The following KATNA1 variants were observed in gnomAD, a reference collection of about 807,000 sequenced individuals.
The protein encoded by KATNA1 is katanin catalytic subunit A1.
KATNA1 carries 42 observed loss-of-function variants against 62.6 expected under a neutral mutation model. That is an observed-to-expected ratio of 0.67 (90% confidence interval 0.52 to 0.87). The LOEUF (loss-of-function observed/expected upper bound fraction) is 0.87, where lower values mean the gene tolerates loss of function less well. Among genes scored for constraint, KATNA1 ranks in the 40% least tolerant of loss-of-function variants. The pLI, the probability that KATNA1 is intolerant of heterozygous loss-of-function variation, is 0.00. For synonymous variants in KATNA1, 186 were observed against 201.9 expected (o/e 0.92, Z 0.67); for missense variants, 498 against 612.5 (o/e 0.81, Z 1.97).
At chr6:149,622,278 G>A (rs561364141) in intron 4 of KATNA1, among the ~76,000 whole-genome samples, 2 of 152,092 alleles carry the variant, frequency 1.3e-5, no homozygotes, top group South Asian at 2.1e-4. Context: ...GACTACAGGC[G>A]CCCGCCACCA....
intron 3 of KATNA1, among the ~76,000 whole-genome samples, chr6:149,624,430 T>A (rs1779526231): frequency 6.6e-6 from 1 of 152,060 alleles, no homozygotes; most frequent in Non-Finnish European, 1.5e-5. Context: ...TTATTATTAT[T>A]TTTTGAGACA....
Position 149,595,063 on chromosome 6 carries a change from T to G in KATNA1, c.1449A>C (p.Lys483Asn), listed in dbSNP as rs1326497547. The change falls in exon 11 of 11, where the codon AAA (lysine) becomes AAC (asparagine). Residue 483 changes from lysine to asparagine, a missense_variant. This residue lies in a region of KATNA1 where 267 missense variants were observed against 372.6 expected (regional missense o/e 0.72). Transcript: ENST00000367411. ...VSAADIERYE[K>N]WIFEFGSC ...AGCATGATCCAAACTCAAATATCCA[T>G]TTCTCGTATCTTTCAATGTCTGCAG... 3.1e-6 allele frequency: 5 copies of G among 1,613,868 alleles called. No individual in the cohort carries two copies.
intron 4 of KATNA1, among the ~76,000 whole-genome samples, chr6:149,610,426 A>C (rs1778907227): frequency 6.6e-6 from 1 of 152,210 alleles, no homozygotes; most frequent in Non-Finnish European, 1.5e-5. Flanking sequence ...TGTTCACAGA[A>C]CATATACCAA....
At chr6:149,623,051 A>G in intron 4 of KATNA1, 52 bp downstream of exon 4, 1 of 1,354,426 alleles carries the variant, frequency 7.4e-7, no homozygotes, top group African/African-American at 1.5e-5. Flanking sequence ...TACAGTCTTC[A>G]TTTTTACGGT....
At chr6:149,617,486 T>A (rs934458438) in intron 4 of KATNA1, among the ~76,000 whole-genome samples, 2 of 152,130 alleles carry the variant, frequency 1.3e-5, no homozygotes, top group African/African-American at 4.8e-5. Context: ...TAACAAGACA[T>A]ATATATGACA....
intron 3 of KATNA1, among the ~76,000 whole-genome samples, chr6:149,632,388 A>G (rs12175841): frequency 2.7e-5 from 4 of 148,842 alleles, no homozygotes; most frequent in African/African-American, 9.9e-5. Flanking sequence ...AAAAAAAAAG[A>G]AAAAAAAGAA....
At chr6:149,633,024 G>A in intron 2 of KATNA1, 108 bp from the exon 3 acceptor site, 2 of 721,528 alleles carry the variant, frequency 2.8e-6, no homozygotes, top group Non-Finnish European at 4.4e-6. Context: ...TTTGATATCA[G>A]ATATCCAGTA....
chr6:149,609,345 A>G (rs1778856749), intron 4 of KATNA1, among the ~76,000 whole-genome samples: 1 of 152,088 alleles, frequency 6.6e-6, no homozygotes, highest in African/African-American at 2.4e-5. Flanking sequence ...AGCAAGCCAG[A>G]GGAAGTAGCA....
intron 4 of KATNA1, among the ~76,000 whole-genome samples, chr6:149,609,411 G>C (rs1778859819): frequency 6.6e-6 from 1 of 152,118 alleles, no homozygotes; most frequent in South Asian, 2.1e-4. Flanking sequence ...ACTCAGGCCA[G>C]GTGTGGTGGC....
At chr6:149,605,275 CAAAG>C (rs1778694910) in intron 4 of KATNA1, among the ~76,000 whole-genome samples, 1 of 151,382 alleles carries the variant, frequency 6.6e-6, no homozygotes, top group African/African-American at 2.4e-5. Flanking sequence ...TCAAAAGTAT[CAAAG>C]AAAAATAAAA....
Position 149,623,242 on chromosome 6 carries a change from C to T in KATNA1, c.362G>A (p.Ser121Asn). 6.2e-7 allele frequency: 1 copy of T among 1,610,722 alleles called. No homozygotes were observed. Among genetic ancestry groups the T allele is most frequent in the Non-Finnish European group, 8.5e-7 (1 of 1,179,228 alleles). ...GPRKRQSSQY[S>N]DPKSHGNRPS... is the part of the protein sequence containing the mutation. ...ACGATTACCATGTGATTTAGGGTCA[C>T]TGTACTGAGAAGATTGGCGTTTTCT... Residue 121 changes from serine (S) to asparagine (N), a missense_variant, in exon 4 of 11, where the codon AGT becomes AAT. This residue lies in a region of KATNA1 where 203 missense variants were observed against 198.4 expected (regional missense o/e 1.02). Transcript: ENST00000367411.
Position 149,603,365 on chromosome 6 carries a change from A to G in KATNA1, c.632T>C (p.Ile211Thr). ...SQNPNVRWDD[I>T]ADLVEAKKLL... ...CTTTTTAGCTTCTACTAAATCAGCG[A>G]TATCATCCCTGAAAGAGAAGACATT... Residue 211 changes from isoleucine (I) to threonine (T), a missense_variant, in exon 6 of 11, where the codon ATC becomes ACC. Transcript: ENST00000367411. 1 of 1,541,324 alleles carries G rather than the reference A, an allele frequency of 6.5e-7. No individual in the cohort carries two copies. Among genetic ancestry groups the G allele is most frequent in the Non-Finnish European group, 8.9e-7 (1 of 1,118,128 alleles).
chr6:149,598,090 C>G, intron 8 of KATNA1, 134 bp downstream of exon 8: 2 of 938,104 alleles, frequency 2.1e-6, no homozygotes, highest in Non-Finnish European at 3.2e-6. Flanking sequence ...GCCACCCCCT[C>G]TAGTCCATCT....
chr6:149,600,793 T>A (rs920762723), intron 7 of KATNA1, among the ~76,000 whole-genome samples: 1,228 of 88,196 alleles, frequency 0.014, 4 homozygotes, highest in Non-Finnish European at 0.02. Flanking sequence ...AAAAAAAAAA[T>A]GAGCTGAGTG....
rs1299545740 is a variant in KATNA1 at position 149,603,260 on chromosome 6, A to G, written c.729+8T>C. ...ACTTTGACAATGCCATCACAGTAATAAACTTACTTTCCATGGTCTCCTAAT... is the reference window on the plus strand; with the variant it reads ...ACTTTGACAATGCCATCACAGTAATGAACTTACTTTCCATGGTCTCCTAAT... On this transcript the variant is annotated splice_region_variant and intron_variant, in intron 6 of 10. Coordinates refer to ENST00000367411, the MANE Select transcript of KATNA1 (RefSeq NM_007044.4). The G allele has an allele frequency of 7.9e-7, 1 of 1,267,754 alleles. No homozygotes were observed. The highest frequency in any genetic ancestry group is 2.0e-5 in the Admixed American group (1 of 50,892). The allele number at this position is 1,267,754 out of a possible 1,614,324, so 78.5% of individuals were successfully genotyped here.
intron 4 of KATNA1, among the ~76,000 whole-genome samples, chr6:149,609,522 C>T (rs1006830320): frequency 4.0e-5 from 6 of 151,822 alleles, no homozygotes; most frequent in African/African-American, 1.2e-4. Flanking sequence ...GATCCTGTCT[C>T]GGCCAGGCAT....
chr6:149,601,821 A>G (rs1002317314), intron 6 of KATNA1, 69 bp from the exon 7 acceptor site: 1 of 1,272,306 alleles, frequency 7.9e-7, no homozygotes, highest in Non-Finnish European at 1.0e-6. Context: ...AAGTGTCATT[A>G]CTAAGTAGCA....
chr6:149,604,729 G>A lies in KATNA1; in HGVS notation c.555C>T (p.Thr185=), dbSNP rs112425555. 1.4e-4 allele frequency: 220 copies of A among 1,611,374 alleles called. No individual in the cohort carries two copies. Among genetic ancestry groups the A allele is most frequent in the Middle Eastern group, 3.3e-4 (2 of 6,082 alleles). The change falls in exon 5 of 11, where the codon ACC becomes ACT. Residue 185 remains threonine, a synonymous_variant. Coordinates refer to ENST00000367411, the MANE Select transcript of KATNA1 (RefSeq NM_007044.4). ...CTTCTACTAAGTCTTTATCATATCCGGTACTATCAAATTTATTTGTCTCTG... is the reference window on the plus strand; with the variant it reads ...CTTCTACTAAGTCTTTATCATATCCAGTACTATCAAATTTATTTGTCTCTG... ...TEPETNKFDS[T]GYDKDLVEAL...
At chr6:149,643,526 T>A (rs1352880548) in intron 1 of KATNA1, among the ~76,000 whole-genome samples, 1 of 152,198 alleles carries the variant, frequency 6.6e-6, no homozygotes, top group Non-Finnish European at 1.5e-5. Flanking sequence ...CTTGCCTCCC[T>A]GGATTCATGA....
Sources: allele counts gnomAD v4.1 joint callset (sites outside exome capture counted in the v4.1 genomes callset), GRCh38; gene constraint gnomAD v4.1.1; regional missense constraint gnomAD v4.1.1; transcripts MANE v1.5; gene names NCBI Gene and HGNC (gene_info 2026-07-23, HGNC 2026-07-21).